Variants in BLNK observed in about 807,000 individuals in gnomAD.
The protein encoded by BLNK is B cell linker.
Under a neutral mutation model 73.5 loss-of-function variants are expected in BLNK, and 29 were observed. The ratio of observed to expected loss-of-function variants is 0.39; its 90% CI spans 0.29 to 0.54. BLNK has a LOEUF of 0.54. Among genes scored for constraint, BLNK ranks in the 20% least tolerant of loss-of-function variants. The pLI is 0.61. For missense variants in BLNK, 460 were observed against 562.8 expected, an observed-to-expected ratio of 0.82 and a Z score of 1.85; for synonymous variants, 176 against 200.8, an observed-to-expected ratio of 0.88 and a Z score of 1.04.
chr10:96,251,978 G>A (rs1843303793), intron 1 of BLNK, among the ~76,000 whole-genome samples: 2 of 152,120 alleles, frequency 1.3e-5, no homozygotes, highest in Admixed American at 1.3e-4. Flanking sequence ...ACAACTGGCT[G>A]GGCCTCACCC....
chr10:96,255,852 A>G (rs781977278), intron 1 of BLNK, among the ~76,000 whole-genome samples: 5 of 152,104 alleles, frequency 3.3e-5, no homozygotes, highest in Non-Finnish European at 5.9e-5. Flanking sequence ...TAAAACCTGG[A>G]TTTCAACGAT....
chr10:96,237,652 G>A (rs782784079), intron 3 of BLNK, among the ~76,000 whole-genome samples: 2 of 152,162 alleles, frequency 1.3e-5, no homozygotes, highest in Non-Finnish European at 2.9e-5. Context: ...CAAAGATACC[G>A]AAGGCTGTTC....
intron 2 of BLNK, among the ~76,000 whole-genome samples, chr10:96,244,502 C>T (rs1842975640): frequency 6.6e-6 from 1 of 152,222 alleles, no homozygotes; most frequent in African/African-American, 2.4e-5. Flanking sequence ...CCCAACACTT[C>T]ATGCTCCTTA....
At chr10:96,207,363 A>T (rs1554897656) in intron 10 of BLNK, among the ~76,000 whole-genome samples, 1 of 152,072 alleles carries the variant, frequency 6.6e-6, no homozygotes, top group East Asian at 1.9e-4. Context: ...TACAGCAGGC[A>T]TCTGGCATCT....
chr10:96,260,197 C>T (rs141611668), intron 1 of BLNK, among the ~76,000 whole-genome samples: 24 of 152,266 alleles, frequency 1.6e-4, no homozygotes, highest in African/African-American at 5.8e-4. Flanking sequence ...TTAAGGGAGA[C>T]TCCTGTGTTC....
chr10:96,231,396 T>C (rs1842493912), intron 3 of BLNK, among the ~76,000 whole-genome samples: 1 of 152,206 alleles, frequency 6.6e-6, no homozygotes, highest in Admixed American at 6.5e-5. Flanking sequence ...ATCAGAGCTT[T>C]GCCGTCTTTT....
At chr10:96,227,371 C>A in intron 5 of BLNK, 39 bp downstream of exon 5, 2 of 1,606,820 alleles carry the variant, frequency 1.2e-6, no homozygotes, top group South Asian at 1.1e-5. Flanking sequence ...TCCCCATGGG[C>A]CTGGAAGGCC....
intron 3 of BLNK, among the ~76,000 whole-genome samples, chr10:96,232,893 C>T (rs1270965188): frequency 1.3e-5 from 2 of 151,202 alleles, no homozygotes; most frequent in Admixed American, 1.3e-4. Flanking sequence ...TGGCTTACTG[C>T]AGCCTCAACC....
intron 16 of BLNK, among the ~76,000 whole-genome samples, chr10:96,196,102 TC>T (rs1322915737): frequency 2.0e-5 from 3 of 152,232 alleles, no homozygotes; most frequent in Non-Finnish European, 4.4e-5. Flanking sequence ...TGTACCTTTT[TC>T]TGAAGGAATC....
chr10:96,254,101 G>A (rs185926898), intron 1 of BLNK, among the ~76,000 whole-genome samples: 3 of 151,868 alleles, frequency 2.0e-5, no homozygotes, highest in Admixed American at 2.0e-4. Context: ...TCTAGGCTAA[G>A]TTTAAATGGA....
intron 8 of BLNK, among the ~76,000 whole-genome samples, chr10:96,212,264 A>G (rs2083966169): frequency 6.6e-6 from 1 of 152,212 alleles, no homozygotes; most frequent in Non-Finnish European, 1.5e-5. Context: ...TCACTGGCCC[A>G]TGAAACAATA....
In BLNK at chr10:96,199,126, G is replaced by T. The variant is rs188489016; in HGVS notation, c.1095+949C>A. On this transcript the variant is annotated intron_variant, in intron 15 of 16. Coordinates refer to ENST00000224337, the MANE Select transcript of BLNK (RefSeq NM_013314.4). ...GTGGAAGTCCACCAAAGGACTGACG[G>T]AACACACTAATATATTTACTTGTAG... 3.3e-5 allele frequency among the ~76,000 whole-genome samples: 5 copies of T among 152,312 alleles called. No individual in the cohort carries two copies. The East Asian group carries it at 9.6e-4, about 29-fold the overall frequency.
intron 1 of BLNK, among the ~76,000 whole-genome samples, chr10:96,265,336 T>G (rs1256238154): frequency 2.6e-5 from 4 of 152,092 alleles, no homozygotes; most frequent in Non-Finnish European, 4.4e-5. Context: ...TTAATGGCTG[T>G]GTTATGACAT....
At chr10:96,248,742 A>G (rs1183296065) in intron 1 of BLNK, among the ~76,000 whole-genome samples, 2 of 152,248 alleles carry the variant, frequency 1.3e-5, no homozygotes, top group Non-Finnish European at 2.9e-5. Context: ...TAATCATTAA[A>G]AGGGAACTAG....
At chr10:96,215,184 G>T in intron 8 of BLNK, 137 bp downstream of exon 8, 1 of 953,090 alleles carries the variant, frequency 1.0e-6, no homozygotes, top group Non-Finnish European at 1.7e-6. Context: ...CCACCAGACA[G>T]TGCATGAGGA....
intron 5 of BLNK, 41 bp from the exon 6 acceptor site, chr10:96,224,030 C>T (rs782350714): frequency 1.2e-6 from 2 of 1,610,390 alleles, no homozygotes; most frequent in Non-Finnish European, 1.7e-6. Context: ...AAAAGAGGCT[C>T]TGGATCATTT....
At chr10:96,193,820 G>A (rs1193443960) in intron 16 of BLNK, among the ~76,000 whole-genome samples, 4 of 152,144 alleles carry the variant, frequency 2.6e-5, no homozygotes, top group African/African-American at 9.7e-5. Flanking sequence ...TTCTAGCCAT[G>A]TACACACAAA....
intron 10 of BLNK, among the ~76,000 whole-genome samples, chr10:96,207,380 G>A (rs2083843221): frequency 6.6e-6 from 1 of 152,030 alleles, no homozygotes; most frequent in African/African-American, 2.4e-5. Flanking sequence ...ATCTGCTTTG[G>A]TCTCATGACC....
chr10:96,200,662 T>C lies in BLNK; in HGVS notation c.1011+320A>G, dbSNP rs1229598075. On this transcript the variant is annotated intron_variant, in intron 14 of 16. Transcript: ENST00000224337. This position sits in a 1 kb window ranked among gnomAD's most constrained non-coding sequence, Gnocchi z 4.3. ...CCTTTATAAACTGTGCTGTCTTATA[T>C]GTGATTTAATATCATCAGCCTCTAC... is the stretch of plus-strand genomic sequence containing the variant. 6.6e-6 allele frequency among the ~76,000 whole-genome samples: 1 copy of C among 152,242 alleles called. No individual in the cohort carries two copies. Among genetic ancestry groups the C allele is most frequent in the Non-Finnish European group, 1.5e-5 (1 of 68,042 alleles).
Sources: allele counts gnomAD v4.1 joint callset (sites outside exome capture counted in the v4.1 genomes callset), GRCh38; gene constraint gnomAD v4.1.1; non-coding constraint Gnocchi (gnomAD v3.1); transcripts MANE v1.5; gene names NCBI Gene and HGNC (gene_info 2026-07-23, HGNC 2026-07-21).